The following PHACTR3 variants were observed in gnomAD, a reference collection of about 807,000 sequenced individuals.
PHACTR3 encodes protein phosphatase 1, regulatory subunit 123.
PHACTR3 carries 16 observed loss-of-function variants against 66.8 expected under a neutral mutation model. That is an observed-to-expected ratio of 0.24 (90% CI 0.16 to 0.36). The LOEUF (loss-of-function observed/expected upper bound fraction) is 0.36. Among genes scored for constraint, PHACTR3 ranks in the 10% least tolerant of loss-of-function variants. PHACTR3 has a pLI of 1.00. For missense variants in PHACTR3, 647 were observed against 719.9 expected (o/e 0.90, Z 1.16); for synonymous variants, 323 against 292.1 (o/e 1.11, Z -1.08).
chr20:59,815,519 G>T (rs2041863565), intron 8 of PHACTR3, among the ~76,000 whole-genome samples: 1 of 149,738 alleles, frequency 6.7e-6, no homozygotes. Context: ...CTGCCTTCTG[G>T]GTTCAAGCGA....
chr20:59,610,728 C>T (rs1356478948), intron 1 of PHACTR3, among the ~76,000 whole-genome samples: 4 of 152,202 alleles, frequency 2.6e-5, no homozygotes, highest in Non-Finnish European at 5.9e-5. Flanking sequence ...ATTGTAAGCT[C>T]CCTGAGGGCA....
intron 8 of PHACTR3, 74 bp from the exon 9 acceptor site, chr20:59,836,428 CTCA>C: frequency 7.0e-7 from 1 of 1,432,584 alleles, no homozygotes; most frequent in East Asian, 2.5e-5. Flanking sequence ...CCAGCCACCT[CTCA>C]TCCTTGCAGA....
At chr20:59,639,960 C>T (rs2035044283) in intron 1 of PHACTR3, among the ~76,000 whole-genome samples, 1 of 152,190 alleles carries the variant, frequency 6.6e-6, no homozygotes, top group African/African-American at 2.4e-5. Flanking sequence ...CAGAGGCTTT[C>T]CTAGTTCCAA....
At chr20:59,622,038 C>T (rs1195809636) in intron 1 of PHACTR3, among the ~76,000 whole-genome samples, 2 of 152,066 alleles carry the variant, frequency 1.3e-5, no homozygotes, top group African/African-American at 4.8e-5. Flanking sequence ...GAGAATGAGT[C>T]ATTGCGTGTG....
At chr20:59,801,698 T>C (rs1163192219) in intron 7 of PHACTR3, among the ~76,000 whole-genome samples, 1 of 152,236 alleles carries the variant, frequency 6.6e-6, no homozygotes, top group African/African-American at 2.4e-5. Flanking sequence ...GAACAAGGTA[T>C]AATCCTCGCT....
chr20:59,722,163 C>A (rs1232687979), intron 1 of PHACTR3, among the ~76,000 whole-genome samples: 2 of 151,998 alleles, frequency 1.3e-5, no homozygotes, highest in Non-Finnish European at 2.9e-5. Flanking sequence ...ACCTGGGAGG[C>A]GGAGCTTGCA....
chr20:59,700,989 A>T (rs1398091285), intron 1 of PHACTR3, among the ~76,000 whole-genome samples: 4 of 151,740 alleles, frequency 2.6e-5, no homozygotes, highest in African/African-American at 9.7e-5. Flanking sequence ...ACGGGGTCTC[A>T]CTACATTGCC....
intron 5 of PHACTR3, among the ~76,000 whole-genome samples, chr20:59,768,234 G>T (rs187482983): frequency 5.9e-5 from 9 of 152,334 alleles, no homozygotes; most frequent in African/African-American, 1.4e-4. Context: ...GATGGTCTCA[G>T]GGAAAAAGTA....
At chr20:59,814,465 T>C (rs1259251321) in intron 8 of PHACTR3, among the ~76,000 whole-genome samples, 1 of 151,844 alleles carries the variant, frequency 6.6e-6, no homozygotes, top group Non-Finnish European at 1.5e-5. Context: ...GTGCCTGGGG[T>C]TTTTGGCAGT....
intron 1 of PHACTR3, among the ~76,000 whole-genome samples, chr20:59,693,617 T>C (rs2037187735): frequency 6.6e-6 from 1 of 152,200 alleles, no homozygotes; most frequent in South Asian, 2.1e-4. Flanking sequence ...ATCAGTTACC[T>C]GTTTCTGGCA....
intron 1 of PHACTR3, among the ~76,000 whole-genome samples, chr20:59,719,313 T>C (rs2146672851): frequency 6.6e-6 from 1 of 152,186 alleles, no homozygotes; most frequent in South Asian, 2.1e-4. Context: ...TACAGGCGCC[T>C]GCCACCACAC....
chr20:59,763,668 G>A (rs1352947332), intron 4 of PHACTR3, among the ~76,000 whole-genome samples: 2 of 152,208 alleles, frequency 1.3e-5, no homozygotes, highest in Admixed American at 6.5e-5. Context: ...GAAGCCAAAG[G>A]AGTGGATGAG....
At chr20:59,837,905 A>T (rs2058993459) in intron 9 of PHACTR3, among the ~76,000 whole-genome samples, 1 of 152,154 alleles carries the variant, frequency 6.6e-6, no homozygotes, top group Admixed American at 6.5e-5. Flanking sequence ...CTTCCTTCCT[A>T]TCGTGGGCAA....
At chr20:59,605,160 GGGT>G in intron 1 of PHACTR3, 28 bp downstream of exon 1, 1 of 1,266,380 alleles carries the variant, frequency 7.9e-7, no homozygotes, top group Non-Finnish European at 1.0e-6. Flanking sequence ...GGCGGCGGGC[GGGT>G]CGGGGAGGCC....
intron 7 of PHACTR3, among the ~76,000 whole-genome samples, chr20:59,795,016 A>AT (rs1044606183): frequency 6.1e-5 from 9 of 148,616 alleles, no homozygotes; most frequent in Admixed American, 1.3e-4. Flanking sequence ...TCTAACCTTT[A>AT]TTTTTTTTTC....
chr20:59,807,855 A>G (rs527876234), intron 8 of PHACTR3, among the ~76,000 whole-genome samples: 1 of 152,332 alleles, frequency 6.6e-6, no homozygotes, highest in South Asian at 2.1e-4. Context: ...ACATACAGGT[A>G]TATCCACATA....
At chr20:59,675,278 T>G (rs540201381) in intron 1 of PHACTR3, among the ~76,000 whole-genome samples, 28 of 151,842 alleles carry the variant, frequency 1.8e-4, no homozygotes, top group South Asian at 1.3e-3. Flanking sequence ...TCTTAGCTCA[T>G]ATCACACCAT....
At position 59,824,614 on chromosome 20, in the gene PHACTR3, T is replaced by G. The variant is rs150672543; in HGVS notation, c.1329-11891T>G. On this transcript the variant is annotated intron_variant, in intron 8 of 12. Coordinates refer to ENST00000371015, the MANE Select transcript of PHACTR3 (RefSeq NM_080672.5). ...GGCTCTGCCCTGTGCTTGGCTATAA[T>G]GAACATCCTCATACGTGTGTCTGTA... Among the ~76,000 whole-genome samples, 159 of 152,306 alleles carry G rather than the reference T, an allele frequency of 1.0e-3. 3 individuals are homozygous for G. The East Asian group carries it at 0.027, about 26-fold the overall frequency.
intron 1 of PHACTR3, among the ~76,000 whole-genome samples, chr20:59,712,040 T>G (rs1053509422): frequency 2.6e-5 from 4 of 152,212 alleles, no homozygotes; most frequent in African/African-American, 9.6e-5. Flanking sequence ...CTTTTTTATA[T>G]GAATTTTGAA....
Sources: allele counts gnomAD v4.1 joint callset (sites outside exome capture counted in the v4.1 genomes callset), GRCh38; gene constraint gnomAD v4.1.1; transcripts MANE v1.5; gene names NCBI Gene and HGNC (gene_info 2026-07-23, HGNC 2026-07-21).